The following NDRG1 variants were observed in gnomAD, a reference collection of about 807,000 sequenced individuals.
The protein encoded by NDRG1 is protein NDRG1.
In NDRG1, 32 loss-of-function variants were observed where a neutral mutation model predicts 56.9. The observed-to-expected ratio is 0.56, with a 90% CI of 0.42 to 0.76. The LOEUF is 0.76. NDRG1 is among the 30% of genes least tolerant of loss of function. NDRG1 has a pLI of 0.00. For synonymous variants in NDRG1, 211 were observed against 204.1 expected (o/e 1.03, Z -0.29); for missense variants, 507 against 545.7 (o/e 0.93, Z 0.71).
intron 3 of NDRG1, among the ~76,000 whole-genome samples, chr8:133,272,161 A>G (rs1389326395): frequency 1.3e-5 from 2 of 152,230 alleles, no homozygotes; most frequent in African/African-American, 4.8e-5. Flanking sequence ...AATTAAACAA[A>G]GTTACAGAGG....
At chr8:133,256,686 T>TCGTA in intron 8 of NDRG1, 91 bp downstream of exon 8, 1 of 1,238,856 alleles carries the variant, frequency 8.1e-7, no homozygotes, top group South Asian at 1.3e-5. Flanking sequence ...AAGAGAGAGC[T>TCGTA]CGTAGCTCCA....
chr8:133,277,423 T>C lies in NDRG1; in HGVS notation c.99+2809A>G, dbSNP rs191331975. ...ACTAAAAATACAAAAATTAGCCCGG[T>C]GTGGTGGCGGGCACCTGTAATCCCA... On this transcript the variant is annotated intron_variant, in intron 3 of 15. Coordinates refer to ENST00000323851, the MANE Select transcript of NDRG1 (RefSeq NM_006096.4). Among the ~76,000 whole-genome samples, 1,054 of 152,136 alleles carry C rather than the reference T, an allele frequency of 6.9e-3. 8 individuals are homozygous for C. Among genetic ancestry groups the C allele is most frequent in the Non-Finnish European group, 0.012 (791 of 67,988 alleles).
At chr8:133,267,737 A>G (rs1395157588) in intron 3 of NDRG1, among the ~76,000 whole-genome samples, 3 of 152,186 alleles carry the variant, frequency 2.0e-5, no homozygotes, top group Admixed American at 1.3e-4. Flanking sequence ...CGCCACGGAC[A>G]TCGGAGTTCA....
rs146924327 is a variant in NDRG1, at chr8:133,264,617, G to A, written c.135C>T (p.His45=). The part of the protein sequence containing the change: ...QDIETLHGSV[H]VTLCGTPKGN... ...CCTTGGGAGTCCCACACAGCGTGAC[G>A]TGAACAGAGCCATGTAAAGTCTCGA... The change falls in exon 4 of 16, where the codon CAC becomes CAT. Residue 45 remains histidine, a synonymous_variant. Coordinates refer to ENST00000323851, the MANE Select transcript of NDRG1 (RefSeq NM_006096.4). The A allele has an allele frequency of 2.0e-5, 33 of 1,614,106 alleles. No homozygotes were observed. Among genetic ancestry groups the A allele is most frequent in the South Asian group, 1.3e-4 (12 of 91,092 alleles).
At chr8:133,256,500 C>G (rs574719094) in intron 8 of NDRG1, among the ~76,000 whole-genome samples, 2 of 152,284 alleles carry the variant, frequency 1.3e-5, no homozygotes, top group African/African-American at 4.8e-5. Flanking sequence ...ACTCATTAAT[C>G]CAAGCAATGC....
At chr8:133,256,929 G>A (rs1006947313) in intron 7 of NDRG1, 66 bp from the exon 8 acceptor site, 2 of 1,469,052 alleles carry the variant, frequency 1.4e-6, no homozygotes, top group Non-Finnish European at 1.9e-6. Flanking sequence ...ACTTTCCAAG[G>A]CAAACCAAAG....
At chr8:133,264,019 T>C (rs977487216) in intron 4 of NDRG1, among the ~76,000 whole-genome samples, 1 of 149,814 alleles carries the variant, frequency 6.7e-6, no homozygotes. Context: ...ATAAAGGAAA[T>C]ACAAATATTA....
At chr8:133,251,985 G>T (rs1856074575) in intron 9 of NDRG1, among the ~76,000 whole-genome samples, 1 of 152,244 alleles carries the variant, frequency 6.6e-6, no homozygotes, top group Admixed American at 6.5e-5. Flanking sequence ...ACCTGGAGCA[G>T]TAAGAAGCAA....
At chr8:133,239,474 C>T (rs1414686633) in intron 15 of NDRG1, 1 of 442,518 alleles carries the variant, frequency 2.3e-6, no homozygotes, top group East Asian at 4.4e-5. Flanking sequence ...CCCCTGGTAT[C>T]AGCACCTGTG....
At chr8:133,256,666 G>A in intron 8 of NDRG1, 111 bp downstream of exon 8, 2 of 977,364 alleles carry the variant, frequency 2.0e-6, no homozygotes, top group East Asian at 2.6e-5. Flanking sequence ...GGGTAGTGGA[G>A]GAGTGGGTAA....
chr8:133,242,165 T>G, intron 14 of NDRG1, 91 bp from the exon 15 acceptor site: 1 of 1,331,902 alleles, frequency 7.5e-7, no homozygotes, highest in Non-Finnish European at 1.1e-6. Flanking sequence ...TCACCTTCAT[T>G]TGAGAGTTTG....
chr8:133,270,123 C>T (rs1857119196), intron 3 of NDRG1, among the ~76,000 whole-genome samples: 1 of 152,254 alleles, frequency 6.6e-6, no homozygotes. Context: ...GAAAGGCTGG[C>T]TCTCCAATTG....
rs1226627898 is a variant in NDRG1, at chr8:133,239,126, G to A, written c.944-7C>T. On this transcript the variant is annotated splice_region_variant and splice_polypyrimidine_tract_variant and intron_variant, in intron 15 of 15. Transcript: ENST00000323851. ...GTCATGCTAGCCGAGGGCACTAGGG[G>A]AACAAGAGACAGCCGGTTAGAGGGC... The A allele has an allele frequency of 6.4e-7, 1 of 1,553,506 alleles. No homozygotes were observed. Among genetic ancestry groups the A allele is most frequent in the Non-Finnish European group, 8.7e-7 (1 of 1,148,124 alleles).
rs964049216 is a variant in NDRG1, at chr8:133,237,530, C to T, written c.*1348G>A. On this transcript the variant is annotated 3_prime_UTR_variant, in exon 16 of 16. Transcript: ENST00000323851. ...AAGTACAAGGCAGTAGTACAGGAAC[C>T]TGGCAGCCGCACTGGCCGCCCAGAA... The T allele has an allele frequency of 1.8e-4, 41 of 233,234 alleles. 1 individual carries two copies. Among genetic ancestry groups the T allele is most frequent in the African/African-American group, 8.1e-4 (37 of 45,476 alleles). 14.4% of individuals were successfully genotyped at this position (233,234 alleles called of 1,614,324 possible).
At position 133,238,755 on chromosome 8, in the gene NDRG1, C is replaced by A; in HGVS notation, c.*123G>T. 6 of 1,216,622 alleles carry A rather than the reference C, an allele frequency of 4.9e-6. No homozygotes were observed. The highest frequency in any genetic ancestry group is 5.6e-6 in the Non-Finnish European group (5 of 893,916). The allele number at this position is 1,216,622 out of a possible 1,614,324, so 75.4% of individuals were successfully genotyped here. A position where few individuals can be genotyped will look rare whatever the true frequency, so the allele number is the denominator to read the frequency against. On this transcript the variant is annotated 3_prime_UTR_variant, in exon 16 of 16. Coordinates refer to ENST00000323851, the MANE Select transcript of NDRG1 (RefSeq NM_006096.4). ...TTGTCTCCACCAGAGCTCACTCTTA[C>A]AAAATAAGCTTTGGATTAATACCGA...
At chr8:133,250,617 C>A in intron 9 of NDRG1, 74 bp from the exon 10 acceptor site, 1 of 1,221,946 alleles carries the variant, frequency 8.2e-7, no homozygotes, top group Non-Finnish European at 1.2e-6. Flanking sequence ...TCTCCATTCT[C>A]CAGGTTATTT....
chr8:133,258,957 G>A lies in NDRG1; in HGVS notation c.389+211C>T, dbSNP rs548754522. On this transcript the variant is annotated intron_variant, in intron 6 of 15. Coordinates refer to ENST00000323851, the MANE Select transcript of NDRG1 (RefSeq NM_006096.4). ...TGCCATCATGCAATATAACATTCACGCAAGAGGAAAACTGAAGTTAGAGGA... is the reference window on the plus strand; with the variant it reads ...TGCCATCATGCAATATAACATTCACACAAGAGGAAAACTGAAGTTAGAGGA... 259 of 629,336 alleles carry A rather than the reference G, an allele frequency of 4.1e-4. 4 individuals are homozygous for A. The South Asian group carries it at 4.2e-3, about 10-fold the overall frequency. The allele number at this position is 629,336 out of a possible 1,614,324, so 39.0% of individuals were successfully genotyped here.
intron 9 of NDRG1, among the ~76,000 whole-genome samples, chr8:133,252,675 C>T (rs1381278930): frequency 6.6e-6 from 1 of 151,444 alleles, no homozygotes; most frequent in African/African-American, 2.4e-5. Context: ...CCTCTGTTCC[C>T]CTGGTACACT....
intron 3 of NDRG1, among the ~76,000 whole-genome samples, chr8:133,265,414 C>T (rs746470187): frequency 1.5e-4 from 23 of 152,150 alleles, no homozygotes; most frequent in Non-Finnish European, 2.6e-4. Context: ...GAGTGAAAGA[C>T]GGTTTGGGGA....
Sources: allele counts gnomAD v4.1 joint callset (sites outside exome capture counted in the v4.1 genomes callset), GRCh38; gene constraint gnomAD v4.1.1; transcripts MANE v1.5; gene names NCBI Gene and HGNC (gene_info 2026-07-23, HGNC 2026-07-21).